The following SCHIP1 variants were observed in gnomAD, a reference collection of about 807,000 sequenced individuals.
SCHIP1 encodes schwannomin-interacting protein 1.
Under a neutral mutation model 29.7 loss-of-function variants are expected in SCHIP1, and 8 were observed. That is an observed-to-expected ratio of 0.27 (90% CI 0.16 to 0.49). The LOEUF (loss-of-function observed/expected upper bound fraction) is 0.49. SCHIP1 is among the 20% of genes least tolerant of loss of function. SCHIP1 has a pLI of 0.99. For missense variants in SCHIP1, 193 were observed against 294.6 expected, an observed-to-expected ratio of 0.66 and a Z score of 2.52; for synonymous variants, 76 against 94.9, an observed-to-expected ratio of 0.80 and a Z score of 1.16.
At chr3:159,774,949 T>C in the SCHIP1 span, among the ~76,000 whole-genome samples, 1 of 152,338 alleles carries the variant, frequency 6.6e-6, no homozygotes, top group Admixed American at 6.5e-5. Context: ...TTAATCATTT[T>C]TTTTCTTTTT....
chr3:159,296,642 G>A, the SCHIP1 span, among the ~76,000 whole-genome samples: 1 of 152,068 alleles, frequency 6.6e-6, no homozygotes, highest in Non-Finnish European at 1.5e-5. Flanking sequence ...GGGCATGGTG[G>A]GGGGATACCT....
At chr3:159,616,280 TTA>T in the SCHIP1 span, among the ~76,000 whole-genome samples, 2 of 152,186 alleles carry the variant, frequency 1.3e-5, no homozygotes, top group Non-Finnish European at 2.9e-5. Context: ...TTTTGTATTT[TTA>T]GTAGAGACGG....
At chr3:159,487,900 TAA>T in the SCHIP1 span, among the ~76,000 whole-genome samples, 40 of 152,338 alleles carry the variant, frequency 2.6e-4, no homozygotes, top group African/African-American at 8.9e-4. Flanking sequence ...CTATTTATGA[TAA>T]GTGACATGAT....
the SCHIP1 span, among the ~76,000 whole-genome samples, chr3:159,459,020 T>C: frequency 1.3e-5 from 2 of 152,200 alleles, no homozygotes; most frequent in African/African-American, 4.8e-5. Flanking sequence ...TTATTCTTCA[T>C]TGTTCTAAAC....
At chr3:159,426,565 C>T in the SCHIP1 span, among the ~76,000 whole-genome samples, 1 of 152,102 alleles carries the variant, frequency 6.6e-6, no homozygotes, top group Non-Finnish European at 1.5e-5. Flanking sequence ...GAAAAAGAGT[C>T]CAGGATCAGA....
chr3:159,558,501 AT>A, the SCHIP1 span, among the ~76,000 whole-genome samples: 1 of 152,180 alleles, frequency 6.6e-6, no homozygotes, highest in African/African-American at 2.4e-5. Flanking sequence ...GGGAGAGCAC[AT>A]CTAACTTGGT....
At chr3:159,755,618 C>A in the SCHIP1 span, among the ~76,000 whole-genome samples, 2 of 152,188 alleles carry the variant, frequency 1.3e-5, no homozygotes, top group African/African-American at 2.4e-5. Flanking sequence ...CATGCCTTCC[C>A]AACAGTCCCC....
At chr3:159,722,178 C>A in the SCHIP1 span, 1 of 207,600 alleles carries the variant, frequency 4.8e-6, no homozygotes, top group Non-Finnish European at 9.6e-6. Context: ...GGGTACCATA[C>A]CACCTATTTT....
chr3:159,522,088 G>T, the SCHIP1 span, among the ~76,000 whole-genome samples: 1 of 152,298 alleles, frequency 6.6e-6, no homozygotes, highest in Non-Finnish European at 1.5e-5. Flanking sequence ...TCTGTGCATG[G>T]TGTCAGAATT....
the SCHIP1 span, among the ~76,000 whole-genome samples, chr3:159,602,688 G>A: frequency 4.0e-5 from 6 of 149,424 alleles, no homozygotes; most frequent in South Asian, 2.1e-4. Context: ...TAGCCTGGGC[G>A]ACAGAGCTAG....
the SCHIP1 span, among the ~76,000 whole-genome samples, chr3:159,508,140 C>T: frequency 1.3e-5 from 2 of 152,164 alleles, no homozygotes; most frequent in African/African-American, 4.8e-5. Flanking sequence ...GCCTCAATTT[C>T]GGAGCCTGTT....
At chr3:159,801,734 T>A in the SCHIP1 span, among the ~76,000 whole-genome samples, 1 of 152,192 alleles carries the variant, frequency 6.6e-6, no homozygotes, top group Non-Finnish European at 1.5e-5. Flanking sequence ...TATATTTCTA[T>A]ATACCTTACA....
the SCHIP1 span, among the ~76,000 whole-genome samples, chr3:159,476,243 C>CA: frequency 2.0e-5 from 3 of 151,968 alleles, no homozygotes; most frequent in African/African-American, 4.8e-5. Flanking sequence ...GCTGATAAGG[C>CA]AAAATCCATT....
At chr3:159,847,197 C>G (rs768517829) in intron 1 of SCHIP1, among the ~76,000 whole-genome samples, 16 of 152,142 alleles carry the variant, frequency 1.1e-4, no homozygotes, top group Non-Finnish European at 2.2e-4. Context: ...TGGAAAATAT[C>G]ACATTGCATT....
At chr3:159,601,805 T>G in the SCHIP1 span, among the ~76,000 whole-genome samples, 1 of 152,228 alleles carries the variant, frequency 6.6e-6, no homozygotes, top group Non-Finnish European at 1.5e-5. Context: ...CTGGGGACTT[T>G]GCAGCACCTT....
the SCHIP1 span, chr3:159,375,821 G>A: frequency 1.2e-6 from 1 of 848,778 alleles, no homozygotes; most frequent in Non-Finnish European, 1.4e-6. Context: ...AAGCTAGACA[G>A]GCAGGAATCA....
At chr3:159,483,729 C>T in the SCHIP1 span, among the ~76,000 whole-genome samples, 1,206 of 152,202 alleles carry the variant, frequency 7.9e-3, 21 homozygotes, top group African/African-American at 0.027. Flanking sequence ...GTATCAATAA[C>T]AGCCTTGAAC....
At chr3:159,505,919 C>T in the SCHIP1 span, among the ~76,000 whole-genome samples, 2 of 152,262 alleles carry the variant, frequency 1.3e-5, no homozygotes, top group East Asian at 3.9e-4. Context: ...GTGAATAGTG[C>T]CGCAATAAAC....
the SCHIP1 span, among the ~76,000 whole-genome samples, chr3:159,355,078 T>G: frequency 1.2e-4 from 19 of 152,270 alleles, no homozygotes; most frequent in South Asian, 3.7e-3. Context: ...ACTCAGCTTA[T>G]AGGTAAAGAG....
Sources: gnomAD v4.1 joint callset for allele counts (sites outside exome capture counted in the v4.1 genomes callset) on GRCh38, gnomAD v4.1.1 for gene constraint, MANE v1.5 for transcripts, NCBI Gene and HGNC (gene_info 2026-07-23, HGNC 2026-07-21) for gene names.